CCDC50: variants seen among roughly 807,000 people sequenced by gnomAD.
CCDC50 encodes coiled-coil domain containing 50.
CCDC50 carries 54 observed loss-of-function variants against 70.2 expected under a neutral mutation model. That is an observed-to-expected ratio of 0.77 (90% confidence interval 0.62 to 0.96). The LOEUF (loss-of-function observed/expected upper bound fraction) is 0.96, where lower values mean the gene tolerates loss of function less well. Ranked by LOEUF, CCDC50 falls within the 50% of genes least tolerant of loss-of-function variation. CCDC50 has a pLI of 0.00. For missense variants in CCDC50, 558 were observed against 578.7 expected (o/e 0.96, Z 0.37); for synonymous variants, 216 against 198.8 (o/e 1.09, Z -0.73).
rs943927298 is a variant in CCDC50, at chr3:191,396,959, T to C, written c.*5199T>C. The C allele has an allele frequency of 2.0e-5, 3 of 152,218 alleles. No individual in the cohort carries two copies. The highest frequency in any genetic ancestry group is 7.2e-5 in the African/African-American group (3 of 41,464). The allele number at this position is 152,218 out of a possible 1,614,324, so 9.4% of individuals were successfully genotyped here. On this transcript the variant is annotated 3_prime_UTR_variant, in exon 12 of 12. Transcript: ENST00000392455. Reference sequence around the variant, plus strand: ...ATGCATTTGTACATTCTCAGCAAACTAGAAGAAAATGTTTTTTCTCTTTTT... The same window carrying C: ...ATGCATTTGTACATTCTCAGCAAACCAGAAGAAAATGTTTTTTCTCTTTTT...
At position 191,382,963 on chromosome 3, in the gene CCDC50, CAG is replaced by C. The variant is rs555184415; in HGVS notation, c.1322+139_1322+140del. The C allele has an allele frequency of 5.7e-3, 3,753 of 654,322 alleles. 22 individuals carry two copies. The highest frequency in any genetic ancestry group is 8.0e-3 in the South Asian group (436 of 54,712). 40.5% of individuals were successfully genotyped at this position (654,322 alleles called of 1,614,324 possible). On this transcript the variant is annotated intron_variant, in intron 10 of 11. Transcript: ENST00000392455. ...ATTTGTAAGGTAGTGTCAAGACATT[CAG>C]GGTTATTTTTAGAACTTTATTTCCA...
intron 6 of CCDC50, among the ~76,000 whole-genome samples, chr3:191,378,545 AT>A (rs34858816): frequency 6.6e-6 from 1 of 151,718 alleles, no homozygotes; most frequent in Non-Finnish European, 1.5e-5. Flanking sequence ...TTGAAGTATC[AT>A]TTTTTCTATA....
chr3:191,386,607 G>C (rs926707589), intron 10 of CCDC50, among the ~76,000 whole-genome samples: 4 of 152,102 alleles, frequency 2.6e-5, no homozygotes, highest in African/African-American at 9.7e-5. Flanking sequence ...TGATCTCCTA[G>C]ACTTGATAAA....
In CCDC50 at chr3:191,389,476, A is replaced by T. The variant is rs776341680; in HGVS notation, c.1323-20A>T. The T allele has an allele frequency of 6.3e-7, 1 of 1,596,180 alleles. No homozygotes were observed. The highest frequency in any genetic ancestry group is 2.2e-5 in the East Asian group (1 of 44,772). ...TAAGCGTTACTTAGAATGCCCCTTTAAATTCTGGATTCCTTTTAGGCCACC... is the reference window on the plus strand; with the variant it reads ...TAAGCGTTACTTAGAATGCCCCTTTTAATTCTGGATTCCTTTTAGGCCACC... On this transcript the variant is annotated intron_variant, in intron 10 of 11. Coordinates refer to ENST00000392455, the MANE Select transcript of CCDC50 (RefSeq NM_178335.3).
chr3:191,365,727 T>C (rs1576963201), intron 4 of CCDC50, among the ~76,000 whole-genome samples: 3 of 152,184 alleles, frequency 2.0e-5, no homozygotes, highest in Non-Finnish European at 4.4e-5. Context: ...TGATTGTTTT[T>C]AAACTCCAGA....
intron 1 of CCDC50, among the ~76,000 whole-genome samples, chr3:191,349,209 G>A (rs1712025106): frequency 7.0e-6 from 1 of 141,978 alleles, no homozygotes; most frequent in East Asian, 1.9e-4. Flanking sequence ...ATTAGGATAA[G>A]ATCTATTCAG....
At chr3:191,346,720 C>A (rs1396030160) in intron 1 of CCDC50, among the ~76,000 whole-genome samples, 6 of 152,124 alleles carry the variant, frequency 3.9e-5, no homozygotes, top group Admixed American at 6.6e-5. Context: ...CTTTTGAAGA[C>A]AGTTTTACCT....
chr3:191,336,132 G>A (rs941845439), intron 1 of CCDC50, among the ~76,000 whole-genome samples: 29 of 137,214 alleles, frequency 2.1e-4, no homozygotes, highest in Non-Finnish European at 4.0e-4. Context: ...GTGTACAAGT[G>A]TTTTTTTTTT....
intron 4 of CCDC50, among the ~76,000 whole-genome samples, chr3:191,369,127 TTTC>T (rs1712807413): frequency 1.4e-5 from 1 of 70,878 alleles, no homozygotes; most frequent in African/African-American, 5.2e-5. Context: ...CTGCTGATGT[TTTC>T]TTTTTCAACT....
intron 6 of CCDC50, among the ~76,000 whole-genome samples, chr3:191,378,899 C>T (rs1445798832): frequency 1.3e-5 from 2 of 152,014 alleles, no homozygotes; most frequent in African/African-American, 4.8e-5. Context: ...ACTAGTCTGT[C>T]TTTGTAGGAA....
chr3:191,389,063 T>C (rs1190312843), intron 10 of CCDC50, among the ~76,000 whole-genome samples: 1 of 152,156 alleles, frequency 6.6e-6, no homozygotes, highest in Non-Finnish European at 1.5e-5. Context: ...TCCTCCCTCC[T>C]TTCTGTCTCT....
Position 191,375,231 on chromosome 3 carries a change from C to A in CCDC50, c.618C>A (p.Ser206=). Residue 206 remains serine (S), a synonymous_variant, in exon 6 of 12, where the codon TCC becomes TCA. Transcript: ENST00000392455. The stretch of plus-strand genomic sequence containing the variant: ...GTTCATCGAAGAGATCCCTGTCATC[C>A]TCTAGCTCGGGCAAAGGGAGGGACA... ...QHCSSKRSLS[S]SSSGKGRDNP... The A allele has an allele frequency of 6.2e-7, 1 of 1,613,744 alleles. No individual in the cohort carries two copies. The highest frequency in any genetic ancestry group is 8.5e-7 in the Non-Finnish European group (1 of 1,179,814).
At chr3:191,363,374 C>T (rs1361844313) in intron 4 of CCDC50, among the ~76,000 whole-genome samples, 2 of 152,184 alleles carry the variant, frequency 1.3e-5, no homozygotes, top group Non-Finnish European at 2.9e-5. Context: ...TTTGGAGTTA[C>T]ACTCACCTGG....
chr3:191,369,120 CTGA>C (rs1712806562), intron 4 of CCDC50, among the ~76,000 whole-genome samples: 1 of 135,066 alleles, frequency 7.4e-6, no homozygotes, highest in African/African-American at 2.7e-5. Context: ...CATAACTCTG[CTGA>C]TGTTTTCTTT....
Position 191,363,668 on chromosome 3 carries a change from G to A in CCDC50, c.330+2509G>A, listed in dbSNP as rs12632059. ...GGTGTGATTTGAGAGGTCCTCAAGC[G>A]TTTACACACGTGTCATTACAGGTCT... On this transcript the variant is annotated intron_variant, in intron 4 of 11. Coordinates refer to ENST00000392455, the MANE Select transcript of CCDC50 (RefSeq NM_178335.3). Among the ~76,000 whole-genome samples the A allele has an allele frequency of 8.0e-4, 122 of 152,294 alleles. 2 individuals are homozygous for A. The East Asian group carries it at 0.014, about 17-fold the overall frequency.
chr3:191,375,797 G>T (rs1409693007), intron 6 of CCDC50, among the ~76,000 whole-genome samples: 1 of 152,144 alleles, frequency 6.6e-6, no homozygotes, highest in Non-Finnish European at 1.5e-5. Flanking sequence ...TTTCCCTTCT[G>T]TGAGAATGCA....
chr3:191,358,827 T>C, intron 3 of CCDC50, among the ~76,000 whole-genome samples: 1 of 152,272 alleles, frequency 6.6e-6, no homozygotes, highest in Admixed American at 6.5e-5. Flanking sequence ...GATACTGTGT[T>C]GAGGAGGAAG....
In CCDC50 at chr3:191,394,631, T is replaced by G. The variant is rs1483356929; in HGVS notation, c.*2871T>G. On this transcript the variant is annotated 3_prime_UTR_variant, in exon 12 of 12. Transcript: ENST00000392455. ...TTGTCCTTTGGAGGCCAGGCCTCAT[T>G]AACACCAGTATTGTTGAATAAGCAC... 8.5e-5 allele frequency: 13 copies of G among 152,160 alleles called. No homozygotes were observed. Among genetic ancestry groups the G allele is most frequent in the Non-Finnish European group, 1.5e-4 (10 of 67,998 alleles). 9.4% of individuals were successfully genotyped at this position (152,160 alleles called of 1,614,324 possible). A position where few individuals can be genotyped will look rare whatever the true frequency, so the allele number is the denominator to read the frequency against.
chr3:191,356,169 T>C (rs1374418824), intron 1 of CCDC50, among the ~76,000 whole-genome samples: 1 of 152,164 alleles, frequency 6.6e-6, no homozygotes, highest in Non-Finnish European at 1.5e-5. Context: ...TGAGAACATA[T>C]CACCTAAACT....
Sources: gnomAD v4.1 joint callset for allele counts (sites outside exome capture counted in the v4.1 genomes callset) on GRCh38, gnomAD v4.1.1 for gene constraint, MANE v1.5 for transcripts, NCBI Gene and HGNC (gene_info 2026-07-23, HGNC 2026-07-21) for gene names.